ODR4: variants seen among roughly 807,000 people sequenced by gnomAD.
ODR4 encodes odr-4 GPCR localization factor homolog.
ODR4 carries 47 observed loss-of-function variants against 60.2 expected under a neutral mutation model. The observed-to-expected ratio is 0.78, with a 90% CI of 0.62 to 1.00. The LOEUF (loss-of-function observed/expected upper bound fraction) is 1.00, where lower values mean the gene tolerates loss of function less well. ODR4 is among the 50% of genes least tolerant of loss of function. The pLI is 0.00. For synonymous variants in ODR4, 178 were observed against 175.5 expected (o/e 1.01, Z -0.11); for missense variants, 488 against 530.8 (o/e 0.92, Z 0.79).
Position 186,419,077 on chromosome 1 carries a change from G to C in ODR4, c.*1G>C, listed in dbSNP as rs1661691519. 1.2e-6 allele frequency: 2 copies of C among 1,608,516 alleles called. No individual in the cohort carries two copies. The highest frequency in any genetic ancestry group is 3.4e-5 in the Admixed American group (2 of 59,482). ...CTCCTTTCATTACTTCAGTGATTAG[G>C]GTGAGGCACAAAGAGTTTCTTGATC... On this transcript the variant is annotated 3_prime_UTR_variant, in exon 14 of 14. Transcript: ENST00000287859.
At chr1:186,415,717 C>G (rs1043312184) in intron 12 of ODR4, among the ~76,000 whole-genome samples, 3 of 152,180 alleles carry the variant, frequency 2.0e-5, no homozygotes, top group African/African-American at 7.2e-5. Context: ...AAACAGAAAA[C>G]TATTAGCCTG....
At chr1:186,422,126 T>A (rs1227120796), downstream of ODR4, among the ~76,000 whole-genome samples, 1 of 151,832 alleles carries the variant, frequency 6.6e-6, no homozygotes, top group Non-Finnish European at 1.5e-5. Context: ...ATATTAGACA[T>A]GGGGAGGTTG....
In ODR4 at chr1:186,383,095, A is replaced by G. The variant is rs1660103309; in HGVS notation, c.173A>G (p.Lys58Arg). The change falls in exon 3 of 14, where the codon AAA becomes AGA. Residue 58 changes from lysine to arginine, a missense_variant. Transcript: ENST00000287859. Reference sequence around the variant, plus strand: ...AAAGAGGAGCAAAGTGAGAACCTCAAACATCCCAAAGCTAAGTTGGATAAC... The same window carrying G: ...AAAGAGGAGCAAAGTGAGAACCTCAGACATCCCAAAGCTAAGTTGGATAAC... ...PPKEEQSENL[K>R]HPKAKLDNLD... 6.4e-7 allele frequency: 1 copy of G among 1,565,680 alleles called. No homozygotes were observed. Among genetic ancestry groups the G allele is most frequent in the Admixed American group, 1.9e-5 (1 of 52,332 alleles).
At chr1:186,397,851 A>G (rs1166817878) in intron 9 of ODR4, among the ~76,000 whole-genome samples, 1 of 152,238 alleles carries the variant, frequency 6.6e-6, no homozygotes. Context: ...GAAAGTGTGT[A>G]AATATATGTG....
rs1243946657 is a variant in ODR4 at position 186,386,799 on chromosome 1, C to T, written c.330+716C>T. ...ATTCTTTACCTTCTTCTCAATTCTC[C>T]GGAGATCCTGAGAGTAAAACATAAA... On this transcript the variant is annotated intron_variant, in intron 4 of 13. Transcript: ENST00000287859. Among the ~76,000 whole-genome samples, 4 of 152,108 alleles carry T rather than the reference C, an allele frequency of 2.6e-5. No individual in the cohort carries two copies. The East Asian group carries it at 5.8e-4, about 22-fold the overall frequency.
chr1:186,410,947 G>A (rs990849223), intron 12 of ODR4, among the ~76,000 whole-genome samples: 30 of 152,126 alleles, frequency 2.0e-4, no homozygotes, highest in African/African-American at 6.7e-4. Context: ...CCCGGAAGGC[G>A]GAGGTTGTGG....
intron 12 of ODR4, among the ~76,000 whole-genome samples, chr1:186,414,816 G>T (rs1661501764): frequency 6.6e-6 from 1 of 151,912 alleles, no homozygotes; most frequent in Non-Finnish European, 1.5e-5. Context: ...CACTACGTCC[G>T]GCCAAAAAAT....
intron 11 of ODR4, among the ~76,000 whole-genome samples, chr1:186,402,187 A>ATTCTTTTTCT (rs1553236965): frequency 3.0e-5 from 4 of 135,424 alleles, no homozygotes; most frequent in African/African-American, 1.1e-4. Context: ...TAGGCATCCT[A>ATTCTTTTTCT]TTCTTTCTTT....
chr1:186,432,792 T>C, the ODR4 span, among the ~76,000 whole-genome samples: 1 of 151,910 alleles, frequency 6.6e-6, no homozygotes, highest in Non-Finnish European at 1.5e-5. Context: ...CAGATTTTTT[T>C]TTTTTTTTCT....
chr1:186,399,739 G>T (rs952966614), intron 11 of ODR4, among the ~76,000 whole-genome samples: 1 of 151,900 alleles, frequency 6.6e-6, no homozygotes. Flanking sequence ...AGCTCCTTTA[G>T]TAGGTACTAT....
chr1:186,399,990 C>CTT (rs948511178), intron 11 of ODR4, among the ~76,000 whole-genome samples: 192 of 112,042 alleles, frequency 1.7e-3, no homozygotes, highest in East Asian at 2.8e-3. Context: ...TTTTTTTTTT[C>CTT]TTTTTTTTTT....
chr1:186,392,378 A>G (rs1660502097), intron 8 of ODR4, among the ~76,000 whole-genome samples: 3 of 152,240 alleles, frequency 2.0e-5, no homozygotes, highest in African/African-American at 7.2e-5. Context: ...AAGACATGGA[A>G]TCAACCTAAA....
intron 8 of ODR4, 104 bp downstream of exon 8, chr1:186,391,895 C>T (rs974699051): frequency 4.4e-6 from 3 of 688,058 alleles, no homozygotes; most frequent in Middle Eastern, 4.1e-4. Context: ...TTTCATCTAC[C>T]TCTCATTTCT....
At chr1:186,383,902 G>A (rs1156455449) in intron 3 of ODR4, among the ~76,000 whole-genome samples, 1 of 152,054 alleles carries the variant, frequency 6.6e-6, no homozygotes, top group Non-Finnish European at 1.5e-5. Context: ...AGCCAGGTGT[G>A]GTGGCAGGTG....
chr1:186,377,373 G>C (rs1224701955), intron 1 of ODR4, among the ~76,000 whole-genome samples: 1 of 152,110 alleles, frequency 6.6e-6, no homozygotes, highest in Non-Finnish European at 1.5e-5. Context: ...AATTTTGAAA[G>C]AGCACTAAAG....
At position 186,414,680 on chromosome 1, in the gene ODR4, T is replaced by C. The variant is rs112649632; in HGVS notation, c.1187-2864T>C. Among the ~76,000 whole-genome samples the C allele has an allele frequency of 6.8e-3, 1,038 of 152,116 alleles. 18 individuals are homozygous for C. The highest frequency in any genetic ancestry group is 0.024 in the African/African-American group (999 of 41,518). ...GACTACAGGTGCCTGCCACCATACCTGGCTAATTTTTTTGTATTTTTAGTA... is the reference window on the plus strand; with the variant it reads ...GACTACAGGTGCCTGCCACCATACCCGGCTAATTTTTTTGTATTTTTAGTA... On this transcript the variant is annotated intron_variant, in intron 12 of 13. Coordinates refer to ENST00000287859, the MANE Select transcript of ODR4 (RefSeq NM_017847.6).
the ODR4 span, among the ~76,000 whole-genome samples, chr1:186,429,135 C>G: frequency 1.3e-5 from 2 of 152,022 alleles, no homozygotes; most frequent in East Asian, 3.9e-4. Flanking sequence ...CCTGTAGTCC[C>G]AGCTACTTGG....
the ODR4 span, among the ~76,000 whole-genome samples, chr1:186,429,667 A>G: frequency 6.6e-6 from 1 of 151,100 alleles, no homozygotes; most frequent in Non-Finnish European, 1.5e-5. Context: ...TCAATAGTCA[A>G]TAGGTTCATG....
At chr1:186,394,675 CAG>C (rs1191467830) in intron 9 of ODR4, among the ~76,000 whole-genome samples, 17 of 152,114 alleles carry the variant, frequency 1.1e-4, no homozygotes, top group African/African-American at 4.1e-4. Context: ...GATTTTGAAA[CAG>C]AAATACTCTC....
Sources: allele counts gnomAD v4.1 joint callset (sites outside exome capture counted in the v4.1 genomes callset), GRCh38; gene constraint gnomAD v4.1.1; transcripts MANE v1.5; gene names NCBI Gene and HGNC (gene_info 2026-07-23, HGNC 2026-07-21).